The following CDC20 variants were observed in gnomAD, a reference collection of about 807,000 sequenced individuals.
CDC20 encodes the protein cell division cycle 20, also known as cell division cycle protein 20 homolog.
A neutral mutation model predicts 60.0 loss-of-function variants in CDC20; 34 were observed. The ratio of observed to expected loss-of-function variants is 0.57; its 90% CI spans 0.43 to 0.75. CDC20 has a LOEUF of 0.75. Ranked by LOEUF, CDC20 falls within the 30% of genes least tolerant of loss-of-function variation. The pLI, the probability that CDC20 is intolerant of heterozygous loss-of-function variation, is 0.00. For missense variants in CDC20, 469 were observed against 647.3 expected, an observed-to-expected ratio of 0.72 and a Z score of 2.99; for synonymous variants, 198 against 243.5, an observed-to-expected ratio of 0.81 and a Z score of 1.74.
In CDC20 at chr1:43,363,112, C is replaced by T; in HGVS notation, c.1483C>T (p.His495Tyr). The T allele has an allele frequency of 1.2e-6, 2 of 1,612,722 alleles. No homozygotes were observed. Among genetic ancestry groups the T allele is most frequent in the Non-Finnish European group, 1.7e-6 (2 of 1,179,550 alleles). The change falls in exon 11 of 11, where the codon CAC becomes TAC. Residue 495 changes from histidine to tyrosine, a missense_variant. This residue lies in a region of CDC20 where 72 missense variants were observed against 77.9 expected (regional missense o/e 0.92). Coordinates refer to ENST00000310955, the MANE Select transcript of CDC20 (RefSeq NM_001255.3). ...CAGTGCAGCCAAAAGCAGCCTCATC[C>T]ACCAAGGCATCCGCTGAAGACCAAC... ...KASAAKSSLI[H>Y]QGIR
chr1:43,361,278 T>TG (rs1249012555), intron 9 of CDC20, 33 bp downstream of exon 9: 12 of 1,536,968 alleles, frequency 7.8e-6, no homozygotes, highest in Non-Finnish European at 9.6e-6. Context: ...CTCTCCCACA[T>TG]GCATTCTTAC....
chr1:43,359,300 C>A lies in CDC20; in HGVS notation c.85C>A (p.Gln29Lys). Reference protein sequence around the residue: ...PIPNAPPARWQRKAKEAAGPA... With the variant: ...PIPNAPPARWKRKAKEAAGPA... ...CCCCAATGCACCCCCTGCGCGCTGGCAGCGCAAAGCCAAGGAAGCCGCAGG... is the reference window on the plus strand; with the variant it reads ...CCCCAATGCACCCCCTGCGCGCTGGAAGCGCAAAGCCAAGGAAGCCGCAGG... The change falls in exon 2 of 11, where the codon CAG becomes AAG. Residue 29 changes from glutamine to lysine, a missense_variant. Gln to Lys is a moderately conservative substitution (Grantham distance 53). Around this residue, in one of 5 missense-constraint regions of CDC20, gnomAD observed 115 missense variants for 156.1 expected, o/e 0.74. Transcript: ENST00000310955. The A allele has an allele frequency of 6.2e-7, 1 of 1,612,596 alleles. No individual in the cohort carries two copies. The highest frequency in any genetic ancestry group is 1.1e-5 in the South Asian group (1 of 91,050).
At chr1:43,360,633 C>T in intron 7 of CDC20, 40 bp downstream of exon 7, 1 of 1,576,914 alleles carries the variant, frequency 6.3e-7, no homozygotes, top group Non-Finnish European at 8.7e-7. Flanking sequence ...CTGATATTTG[C>T]CCACCCTCCC....
chr1:43,359,910 GA>G, intron 4 of CDC20, 58 bp from the exon 5 acceptor site: 1 of 1,611,978 alleles, frequency 6.2e-7, no homozygotes, highest in South Asian at 1.1e-5. Flanking sequence ...TCCTATCTAA[GA>G]TTGAGGGCAA....
chr1:43,359,638 G>A lies in CDC20; in HGVS notation c.330G>A (p.Lys110=), dbSNP rs752549217. 6 of 1,613,810 alleles carry A rather than the reference G, an allele frequency of 3.7e-6. No homozygotes were observed. The highest frequency in any genetic ancestry group is 1.1e-5 in the South Asian group (1 of 91,086). ...QPENSQTPTK[K]EHQKAWALNL... is the part of the protein sequence containing the mutation. The stretch of plus-strand genomic sequence containing the variant: ...AAAACAGCCAGACGCCCACCAAGAA[G>A]GTATGTGTCCCAGAGGGGCTTAAGG... The change falls in exon 3 of 11, where the codon AAG becomes AAA. Residue 110 remains lysine (K), a splice_region_variant and synonymous_variant. Coordinates refer to ENST00000310955, the MANE Select transcript of CDC20 (RefSeq NM_001255.3).
At position 43,362,952 on chromosome 1, in the gene CDC20, T is replaced by A. The variant is rs779042485; in HGVS notation, c.1323T>A (p.Gly441=). ...ATGTACTGTTCTCATTTGCTCCAGG[T>A]CACACATCCCGGGTCCTGAGTCTGA... ...PTMAKVAELK[G]HTSRVLSLTM... is the part of the protein sequence containing the mutation. Residue 441 remains glycine (G), a splice_region_variant and synonymous_variant, in exon 11 of 11, where the codon GGT becomes GGA. Transcript: ENST00000310955. 6.3e-7 allele frequency: 1 copy of A among 1,589,316 alleles called. No homozygotes were observed. Among genetic ancestry groups the A allele is most frequent in the Non-Finnish European group, 8.5e-7 (1 of 1,171,966 alleles).
At position 43,362,183 on chromosome 1, in the gene CDC20, T is replaced by A. The variant is rs1647175590; in HGVS notation, c.1204-12T>A. The stretch of plus-strand genomic sequence containing the variant: ...GGCTATATGTCATGCCCACACCAGC[T>A]CCTCTCCACAGGTGTGCTCCATCCT... On this transcript the variant is annotated splice_polypyrimidine_tract_variant and intron_variant, in intron 9 of 10. Coordinates refer to ENST00000310955, the MANE Select transcript of CDC20 (RefSeq NM_001255.3). 7.7e-6 allele frequency: 12 copies of A among 1,549,844 alleles called. No individual in the cohort carries two copies. The East Asian group carries it at 2.7e-4, about 35-fold the overall frequency.
chr1:43,360,168 ATG>A, intron 5 of CDC20, 23 bp from the exon 6 acceptor site: 1 of 1,612,990 alleles, frequency 6.2e-7, no homozygotes, highest in Non-Finnish European at 8.5e-7. Context: ...AAGGAAGCTC[ATG>A]CTCTTCTCTC....
Position 43,359,362 on chromosome 1 carries a change from C to T in CDC20, c.147C>T (p.Ser49=). The change falls in exon 2 of 11, where the codon TCC becomes TCT. Residue 49 remains serine (S), a synonymous_variant. Coordinates refer to ENST00000310955, the MANE Select transcript of CDC20 (RefSeq NM_001255.3). ...APSPMRAANR[S]HSAGRTPGRT... is the part of the protein sequence containing the mutation. ...CACCCATGCGGGCCGCCAACCGATC[C>T]CACAGCGCCGGCAGGACTCCGGGCC... 6.2e-7 allele frequency: 1 copy of T among 1,613,106 alleles called. No individual in the cohort carries two copies.
In CDC20 at chr1:43,359,496, C is replaced by G. The variant is rs1472817485; in HGVS notation, c.188C>G (p.Ser63Cys). The change falls in exon 3 of 11, where the codon TCC becomes TGC. Residue 63 changes from serine to cysteine, a missense_variant. Physicochemically the swap from Ser to Cys is moderately radical, Grantham distance 112. Transcript: ENST00000310955. ...TTCTCTTTCTCCGCCCCAGGCAAATCCAGTTCCAAGGTTCAGACCACTCCT... is the reference window on the plus strand; with the variant it reads ...TTCTCTTTCTCCGCCCCAGGCAAATGCAGTTCCAAGGTTCAGACCACTCCT... ...GRTPGRTPGK[S>C]SSKVQTTPSK... 5 of 1,614,130 alleles carry G rather than the reference C, an allele frequency of 3.1e-6. No individual in the cohort carries two copies. Among genetic ancestry groups the G allele is most frequent in the Non-Finnish European group, 4.2e-6 (5 of 1,180,016 alleles).
In CDC20 at chr1:43,362,975, T is replaced by C. The variant is rs746457353; in HGVS notation, c.1346T>C (p.Leu449Pro). The C allele has an allele frequency of 3.9e-5, 63 of 1,601,536 alleles. No homozygotes were observed. Among genetic ancestry groups the C allele is most frequent in the Non-Finnish European group, 5.3e-5 (62 of 1,176,462 alleles). Residue 449 changes from leucine to proline, a missense_variant, in exon 11 of 11, where the codon CTG (leucine) becomes CCG (proline). Physicochemically the swap from Leu to Pro is moderately conservative, Grantham distance 98. Around this residue, in one of 5 missense-constraint regions of CDC20, gnomAD observed 72 missense variants for 77.9 expected, o/e 0.92. Transcript: ENST00000310955. ...LKGHTSRVLS[L>P]TMSPDGATVA... The stretch of plus-strand genomic sequence containing the variant: ...GGTCACACATCCCGGGTCCTGAGTC[T>C]GACCATGAGCCCAGATGGGGCCACA...
chr1:43,362,863 A>G, intron 10 of CDC20, 88 bp from the exon 11 acceptor site: 1 of 1,037,414 alleles, frequency 9.6e-7, no homozygotes, highest in Non-Finnish European at 1.4e-6. Flanking sequence ...AGTCTCAAAA[A>G]AAACAAAAAG....
rs556493552 is a variant in CDC20, at chr1:43,359,287, C to G, written c.72C>G (p.Pro24=). The change falls in exon 2 of 11, where the codon CCC becomes CCG. Residue 24 remains proline, a synonymous_variant. Transcript: ENST00000310955. ...LQLDAPIPNA[P]PARWQRKAKE... is the part of the protein sequence containing the mutation. Reference sequence around the variant, plus strand: ...TGGATGCACCCATCCCCAATGCACCCCCTGCGCGCTGGCAGCGCAAAGCCA... The same window carrying G: ...TGGATGCACCCATCCCCAATGCACCGCCTGCGCGCTGGCAGCGCAAAGCCA... 1 of 1,612,524 alleles carries G rather than the reference C, an allele frequency of 6.2e-7. No homozygotes were observed. Among genetic ancestry groups the G allele is most frequent in the Admixed American group, 1.7e-5 (1 of 60,032 alleles).
At chr1:43,362,386 C>A in intron 10 of CDC20, 74 bp downstream of exon 10, 5 of 696,134 alleles carry the variant, frequency 7.2e-6, no homozygotes, top group African/African-American at 3.5e-5. Flanking sequence ...ATAAGCAAAT[C>A]CAGAGAAAAA....
chr1:43,360,924 C>T lies in CDC20; in HGVS notation c.1040C>T (p.Pro347Leu). 5.0e-6 allele frequency: 8 copies of T among 1,614,046 alleles called. No homozygotes were observed. The highest frequency in any genetic ancestry group is 4.2e-6 in the Non-Finnish European group (5 of 1,179,968). The change falls in exon 8 of 11, where the codon CCT becomes CTT. Residue 347 changes from proline to leucine, a missense_variant. This residue lies in a region of CDC20 where 255 missense variants were observed against 326.7 expected (regional missense o/e 0.78). Transcript: ENST00000310955. ...PSAPGEGGWV[P>L]LQTFTQHQGA... ...GCTCCTGGAGAGGGTGGCTGGGTTC[C>T]TCTGCAGACATTCACCCAGCATCAA...
chr1:43,359,827 A>G lies in CDC20; in HGVS notation c.427+6A>G, dbSNP rs368057049. 1.9e-4 allele frequency: 307 copies of G among 1,613,606 alleles called. No individual in the cohort carries two copies. Among genetic ancestry groups the G allele is most frequent in the Middle Eastern group, 4.9e-4 (3 of 6,080 alleles). On this transcript the variant is annotated splice_donor_region_variant and intron_variant, in intron 4 of 10. Transcript: ENST00000310955. ...ACCACAAAATGCGCCAGAGGGTAAG[A>G]CCCGAAGTTCCTGGTTCCTGGAGGG...
Position 43,359,156 on chromosome 1 carries a change from C to T in CDC20, c.-49-11C>T, listed in dbSNP as rs1647156984. The T allele has an allele frequency of 7.6e-6, 12 of 1,582,896 alleles. No individual in the cohort carries two copies. Among genetic ancestry groups the T allele is most frequent in the Non-Finnish European group, 1.0e-5 (12 of 1,154,696 alleles). On this transcript the variant is annotated splice_polypyrimidine_tract_variant and intron_variant, in intron 1 of 10. Coordinates refer to ENST00000310955, the MANE Select transcript of CDC20 (RefSeq NM_001255.3). ...TCTGTCCCCTGAGCACCGTCGCCTC[C>T]TTTCCTCCAGGGCTCCGTAGGCACC...
rs760042430 is a variant in CDC20, at chr1:43,360,189, A to G, written c.557-4A>G. 1 of 1,613,972 alleles carries G rather than the reference A, an allele frequency of 6.2e-7. No individual in the cohort carries two copies. Among genetic ancestry groups the G allele is most frequent in the Non-Finnish European group, 8.5e-7 (1 of 1,179,894 alleles). The stretch of plus-strand genomic sequence containing the variant: ...GCTCATGCTCTTCTCTCCACCTCTG[A>G]CAGACCTGAACCTTGTGGATTGGAG... On this transcript the variant is annotated splice_region_variant and splice_polypyrimidine_tract_variant and intron_variant, in intron 5 of 10. Coordinates refer to ENST00000310955, the MANE Select transcript of CDC20 (RefSeq NM_001255.3).
chr1:43,359,369 G>T lies in CDC20; in HGVS notation c.154G>T (p.Ala52Ser). 2 of 1,612,920 alleles carry T rather than the reference G, an allele frequency of 1.2e-6. No homozygotes were observed. Among genetic ancestry groups the T allele is most frequent in the Non-Finnish European group, 1.7e-6 (2 of 1,179,642 alleles). The change falls in exon 2 of 11, where the codon GCC becomes TCC. Residue 52 changes from alanine to serine, a missense_variant. Physicochemically the swap from Ala to Ser is moderately conservative, Grantham distance 99. Transcript: ENST00000310955. ...PMRAANRSHS[A>S]GRTPGRTPGK... is the part of the protein sequence containing the mutation. Reference sequence around the variant, plus strand: ...GCGGGCCGCCAACCGATCCCACAGCGCCGGCAGGACTCCGGGCCGAACTCC... The same window carrying T: ...GCGGGCCGCCAACCGATCCCACAGCTCCGGCAGGACTCCGGGCCGAACTCC...
Sources: gnomAD v4.1 joint callset for allele counts on GRCh38, gnomAD v4.1.1 for gene constraint, gnomAD v4.1.1 regional missense constraint, MANE v1.5 for transcripts, NCBI Gene and HGNC (gene_info 2026-07-23, HGNC 2026-07-21) for gene names.